The following COL26A1 variants were observed in gnomAD, a reference collection of about 807,000 sequenced individuals.
The protein encoded by COL26A1 is collagen type XXVI alpha 1 chain.
COL26A1 carries 41 observed loss-of-function variants against 59.3 expected under a neutral mutation model. The observed-to-expected ratio is 0.69, with a 90% CI of 0.54 to 0.90. The LOEUF is 0.90. COL26A1 is among the 40% of genes least tolerant of loss of function. COL26A1 has a pLI of 0.00. For missense variants in COL26A1, 612 were observed against 602.3 expected, an observed-to-expected ratio of 1.02 and a Z score of -0.17; for synonymous variants, 266 against 256.0, an observed-to-expected ratio of 1.04 and a Z score of -0.37.
intron 3 of COL26A1, among the ~76,000 whole-genome samples, chr7:101,490,956 G>A (rs865889838): frequency 4.2e-5 from 6 of 142,178 alleles, no homozygotes; most frequent in Non-Finnish European, 7.5e-5. Context: ...CTGCACTCCA[G>A]CCTAGGGACA....
intron 2 of COL26A1, among the ~76,000 whole-genome samples, chr7:101,444,849 G>A (rs369074499): frequency 8.3e-6 from 1 of 119,998 alleles, no homozygotes; most frequent in East Asian, 2.4e-4. Flanking sequence ...TATTTTGTTT[G>A]TTTATTTTTT....
chr7:101,503,362 T>C (rs1269949100), intron 3 of COL26A1, among the ~76,000 whole-genome samples: 2 of 152,160 alleles, frequency 1.3e-5, no homozygotes, highest in Non-Finnish European at 1.5e-5. Flanking sequence ...TAAATGCAGA[T>C]TAGGATTGAT....
rs1379681944 is a variant in COL26A1, at chr7:101,558,361, C to T, written c.*831C>T. The T allele has an allele frequency of 2.0e-5, 3 of 152,316 alleles. No individual in the cohort carries two copies. The highest frequency in any genetic ancestry group is 7.2e-5 in the African/African-American group (3 of 41,468). 9.4% of individuals were successfully genotyped at this position (152,316 alleles called of 1,614,324 possible). A position where few individuals can be genotyped will look rare whatever the true frequency, so the allele number is the denominator to read the frequency against. ...GCATCCCTGGCCACTGCCTCCCAGT[C>T]TTGCTGAGCCCACCCGCTCTCTCTG... On this transcript the variant is annotated 3_prime_UTR_variant, in exon 13 of 13. Transcript: ENST00000313669.
chr7:101,399,752 C>CT (rs1791946472), intron 1 of COL26A1, among the ~76,000 whole-genome samples: 2 of 152,200 alleles, frequency 1.3e-5, no homozygotes, highest in Admixed American at 1.3e-4. Flanking sequence ...AGCCATTGTG[C>CT]CCCGCCTTCA....
At chr7:101,481,964 A>G (rs1794165934) in intron 3 of COL26A1, among the ~76,000 whole-genome samples, 1 of 152,082 alleles carries the variant, frequency 6.6e-6, no homozygotes, top group South Asian at 2.1e-4. Context: ...TAAGTGCACC[A>G]TAAATGCTAA....
intron 1 of COL26A1, among the ~76,000 whole-genome samples, chr7:101,419,665 T>G (rs1407499021): frequency 6.6e-6 from 1 of 152,234 alleles, no homozygotes. Flanking sequence ...TGTTACCTGC[T>G]GTTCCTATGG....
intron 3 of COL26A1, among the ~76,000 whole-genome samples, chr7:101,465,545 TCA>T (rs947428453): frequency 2.0e-5 from 3 of 151,626 alleles, no homozygotes; most frequent in African/African-American, 7.3e-5. Flanking sequence ...TACAAAAAAA[TCA>T]GTCGGGCGTG....
chr7:101,383,957 G>A (rs146813138), intron 1 of COL26A1, among the ~76,000 whole-genome samples: 1,985 of 151,906 alleles, frequency 0.013, 39 homozygotes, highest in African/African-American at 0.045. Flanking sequence ...GGCATGAGCC[G>A]CTGTGCCCAG....
intron 4 of COL26A1, among the ~76,000 whole-genome samples, chr7:101,537,134 G>A (rs1318710843): frequency 1.3e-5 from 2 of 152,190 alleles, no homozygotes; most frequent in Non-Finnish European, 2.9e-5. Context: ...GGGCATTGGG[G>A]GCCAGGCAAC....
chr7:101,471,567 GTTTGTTTTTTT>G lies in COL26A1; in HGVS notation c.385+23784_385+23794del, dbSNP rs1584437437. On this transcript the variant is annotated intron_variant, in intron 3 of 12. Coordinates refer to ENST00000313669, the MANE Select transcript of COL26A1 (RefSeq NM_001278563.3). ...ATAATGTTTTGTTGTTGTTGTTGTTGTTTGTTTTTTTTTTTTTTTTTTTTTTTTTTGAGACA... is the reference window on the plus strand; with the variant it reads ...ATAATGTTTTGTTGTTGTTGTTGTTGTTTTTTTTTTTTTTTTTTTGAGACA... Among the ~76,000 whole-genome samples the G allele has an allele frequency of 3.6e-5, 4 of 112,386 alleles. No individual in the cohort carries two copies. The Admixed American group carries it at 3.6e-4, about 10-fold the overall frequency. The allele number at this position is 112,386 out of a possible 152,430, so 73.7% of individuals were successfully genotyped here. A position where few individuals can be genotyped will look rare whatever the true frequency, so the allele number is the denominator to read the frequency against.
chr7:101,408,426 G>C (rs1276692532), intron 1 of COL26A1, among the ~76,000 whole-genome samples: 1 of 152,212 alleles, frequency 6.6e-6, no homozygotes, highest in Non-Finnish European at 1.5e-5. Flanking sequence ...CTGGGACCTT[G>C]GATGAGGTGA....
In COL26A1 at chr7:101,557,488, C is replaced by A. The variant is rs1796008515; in HGVS notation, c.1284C>A (p.Asp428Glu). Reference sequence around the variant, plus strand: ...TCCTTGCTGCCCTGCTTGGGCCCGACCCTGGACAGAAGAGCGTGGACCAGG... The same window carrying A: ...TCCTTGCTGCCCTGCTTGGGCCCGAACCTGGACAGAAGAGCGTGGACCAGG... ...DGVLAALLGP[D>E]PGQKSVDQAS... Residue 428 changes from aspartate (D) to glutamate (E), a missense_variant, in exon 13 of 13, where the codon GAC (aspartate) becomes GAA (glutamate). Coordinates refer to ENST00000313669, the MANE Select transcript of COL26A1 (RefSeq NM_001278563.3). The A allele has an allele frequency of 6.2e-7, 1 of 1,613,578 alleles. No individual in the cohort carries two copies. The highest frequency in any genetic ancestry group is 8.5e-7 in the Non-Finnish European group (1 of 1,179,752).
intron 3 of COL26A1, among the ~76,000 whole-genome samples, chr7:101,485,627 G>A (rs1193292401): frequency 1.3e-5 from 2 of 152,114 alleles, no homozygotes; most frequent in Middle Eastern, 3.2e-3. Context: ...TTTACCTGCC[G>A]TCATCTGATC....
intron 3 of COL26A1, among the ~76,000 whole-genome samples, chr7:101,519,605 C>T (rs1052125899): frequency 2.0e-5 from 3 of 152,180 alleles, no homozygotes; most frequent in African/African-American, 7.2e-5. Flanking sequence ...AGCTGGGGGA[C>T]ACTGAACAGG....
intron 1 of COL26A1, among the ~76,000 whole-genome samples, chr7:101,384,233 T>TTTGTTTTTG (rs1251044613): frequency 1.4e-5 from 2 of 144,022 alleles, no homozygotes; most frequent in African/African-American, 5.3e-5. Flanking sequence ...CAGGCTGGTT[T>TTTGTTTTTG]TTTTTTTTTT....
chr7:101,552,612 G>A (rs1357446850), intron 10 of COL26A1, among the ~76,000 whole-genome samples: 2 of 151,564 alleles, frequency 1.3e-5, no homozygotes, highest in Non-Finnish European at 2.9e-5. Context: ...GCAAGACCCT[G>A]TCTCAAAAAA....
intron 1 of COL26A1, among the ~76,000 whole-genome samples, chr7:101,414,419 TCTCA>T (rs1792323565): frequency 1.4e-5 from 2 of 146,620 alleles, no homozygotes; most frequent in African/African-American, 2.5e-5. Context: ...TCGCTCTCGC[TCTCA>T]CTCTGTGTTT....
chr7:101,374,321 C>T (rs961200616), intron 1 of COL26A1, among the ~76,000 whole-genome samples: 4 of 152,148 alleles, frequency 2.6e-5, no homozygotes, highest in African/African-American at 7.2e-5. Context: ...TCCTTGTTTG[C>T]CCCACCCCTA....
At chr7:101,499,801 C>CA (rs2130554365) in intron 3 of COL26A1, among the ~76,000 whole-genome samples, 1 of 150,998 alleles carries the variant, frequency 6.6e-6, no homozygotes, top group African/African-American at 2.4e-5. Context: ...CACTTGAGCT[C>CA]AGAAGGTGGA....
Sources: allele counts gnomAD v4.1 joint callset (sites outside exome capture counted in the v4.1 genomes callset), GRCh38; gene constraint gnomAD v4.1.1; transcripts MANE v1.5; gene names NCBI Gene and HGNC (gene_info 2026-07-23, HGNC 2026-07-21).